Variants in MRPL38 observed in about 807,000 individuals in gnomAD.
MRPL38 encodes the protein large ribosomal subunit protein mL38.
Under a neutral mutation model 52.1 loss-of-function variants are expected in MRPL38, and 51 were observed. That is an observed-to-expected ratio of 0.98 (90% CI 0.78 to 1.24). The LOEUF is 1.24. Ranked by LOEUF, MRPL38 falls within the 50% of genes most tolerant of loss-of-function variation. The probability of loss-of-function intolerance (pLI) is 0.00; values close to 1 mark genes in which losing one functional copy is unlikely to be tolerated. For synonymous variants in MRPL38, 245 were observed against 212.7 expected (o/e 1.15, Z -1.32); for missense variants, 527 against 518.6 (o/e 1.02, Z -0.16).
chr17:75,898,899 T>C lies in MRPL38; in HGVS notation c.1094A>G (p.Tyr365Cys). The C allele has an allele frequency of 6.2e-7, 1 of 1,611,500 alleles. No individual in the cohort carries two copies. The highest frequency in any genetic ancestry group is 8.5e-7 in the Non-Finnish European group (1 of 1,179,354). The change falls in exon 9 of 9, where the codon TAC (tyrosine) becomes TGC (cysteine). Residue 365 changes from tyrosine (Y) to cysteine (C), a missense_variant. Physicochemically the swap from Tyr to Cys is radical, Grantham distance 194. Coordinates refer to ENST00000309352, the MANE Select transcript of MRPL38 (RefSeq NM_032478.4). ...ATGACTGTCCCTGTACCGGTCCAGG[T>C]AGCGCAGGGGCTGCCGGTGGGGGAA... ...KRFPHRQPLR[Y>C]LDRYRDSHEP...
chr17:75,899,199 C>A lies in MRPL38; in HGVS notation c.965G>T (p.Arg322Leu), dbSNP rs760808131. The part of the protein sequence containing the change: ...TPAGLSFFQC[R>L]WDDSVTYIFH... ...GATGTAGGTGACGGAGTCATCCCAGCGGCACTGGAAGAAGGACAAGCCGGC... is the reference window on the plus strand; with the variant it reads ...GATGTAGGTGACGGAGTCATCCCAGAGGCACTGGAAGAAGGACAAGCCGGC... The change falls in exon 8 of 9, where the codon CGC (arginine) becomes CTC (leucine). Residue 322 changes from arginine (R) to leucine (L), a missense_variant. By Grantham distance (102) the Arg-to-Leu change is moderately radical. Transcript: ENST00000309352. 5 of 1,606,686 alleles carry A rather than the reference C, an allele frequency of 3.1e-6. 1 individual carries two copies. The South Asian group carries it at 5.6e-5, about 18-fold the overall frequency.
At chr17:75,899,732 C>CT (rs2065395655) in intron 6 of MRPL38, 58 bp from the exon 7 acceptor site, 5 of 1,426,086 alleles carry the variant, frequency 3.5e-6, no homozygotes, top group Non-Finnish European at 4.7e-6. Flanking sequence ...GGAGTGTCCC[C>CT]TCAGCTCCAT....
Position 75,901,032 on chromosome 17 carries a change from A to C in MRPL38, c.665-5T>G, listed in dbSNP as rs1240906810. On this transcript the variant is annotated splice_polypyrimidine_tract_variant and splice_region_variant and intron_variant, in intron 5 of 8. Transcript: ENST00000309352. The surrounding 1 kb of genome is among the most constrained non-coding windows in gnomAD (Gnocchi z 5.7). ...CTGGCTCCAGCAGGTGCCCATCTGC[A>C]CAAAAACACACCTGCTGACCACGGC... 6.2e-7 allele frequency: 1 copy of C among 1,611,804 alleles called. No individual in the cohort carries two copies. Among genetic ancestry groups the C allele is most frequent in the Non-Finnish European group, 8.5e-7 (1 of 1,179,198 alleles).
chr17:75,904,696 G>T lies in MRPL38; in HGVS notation c.91C>A (p.Pro31Thr). 1.3e-6 allele frequency: 2 copies of T among 1,593,736 alleles called. No individual in the cohort carries two copies. The highest frequency in any genetic ancestry group is 1.7e-6 in the Non-Finnish European group (2 of 1,177,158). Reference protein sequence around the residue: ...TSAVLGRRTPPLGPMPNSDID... With the variant: ...TSAVLGRRTPTLGPMPNSDID... ...TCACTGTTGGGCATCGGCCCCAGCGGGGGTGTCCGGCGGCCCAGGACGGCT... is the reference window on the plus strand; with the variant it reads ...TCACTGTTGGGCATCGGCCCCAGCGTGGGTGTCCGGCGGCCCAGGACGGCT... The change falls in exon 2 of 9, where the codon CCG becomes ACG. Residue 31 changes from proline to threonine, a missense_variant. Pro to Thr is a conservative substitution (Grantham distance 38). Transcript: ENST00000309352.
chr17:75,902,341 G>T lies in MRPL38; in HGVS notation c.248-187C>A, dbSNP rs1472661026. ...CTGGTATGAACTCTTGGGCTCAAGT[G>T]ATCTGCCTGCCTCAGCCTCCCACAG... is the stretch of plus-strand genomic sequence containing the variant. On this transcript the variant is annotated intron_variant, in intron 2 of 8. Coordinates refer to ENST00000309352, the MANE Select transcript of MRPL38 (RefSeq NM_032478.4). The T allele has an allele frequency of 6.3e-6, 4 of 637,980 alleles. No individual in the cohort carries two copies. The South Asian group carries it at 8.0e-5, about 13-fold the overall frequency. The allele number at this position is 637,980 out of a possible 1,614,324, so 39.5% of individuals were successfully genotyped here.
intron 2 of MRPL38, among the ~76,000 whole-genome samples, chr17:75,903,175 G>A (rs2065412665): frequency 1.3e-5 from 2 of 152,236 alleles, no homozygotes; most frequent in African/African-American, 4.8e-5. Context: ...TTGGGAGGCT[G>A]AGGCAGGGGG....
intron 2 of MRPL38, among the ~76,000 whole-genome samples, chr17:75,903,491 C>A (rs1011598261): frequency 2.0e-5 from 3 of 152,138 alleles, no homozygotes; most frequent in African/African-American, 7.2e-5. Context: ...CAATGAATTG[C>A]CTCTTTTAAT....
At chr17:75,899,053 A>G in intron 8 of MRPL38, 67 bp from the exon 9 acceptor site, 5 of 1,533,268 alleles carry the variant, frequency 3.3e-6, no homozygotes, top group Non-Finnish European at 4.4e-6. Context: ...AGGCCTGCCC[A>G]CCAGGGACCT....
At position 75,904,578 on chromosome 17, in the gene MRPL38, C is replaced by CAGT; in HGVS notation, c.206_208dup (p.His69_Trp70insTyr). The CAGT allele has an allele frequency of 6.3e-7, 1 of 1,580,510 alleles. No homozygotes were observed. The highest frequency in any genetic ancestry group is 8.5e-7 in the Non-Finnish European group (1 of 1,172,478). The stretch of plus-strand genomic sequence containing the variant: ...GAAATACTCTCGGTAGGTCCGCCAC[C>CAGT]AGTGCGGGGCCTGCGCCTCCTGCTC... On this transcript the variant is annotated inframe_insertion, in exon 2 of 9. Transcript: ENST00000309352.
chr17:75,898,986 T>A lies in MRPL38; in HGVS notation c.1007A>T (p.Asp336Val). 1 of 1,594,478 alleles carries A rather than the reference T, an allele frequency of 6.3e-7. No individual in the cohort carries two copies. The highest frequency in any genetic ancestry group is 8.5e-7 in the Non-Finnish European group (1 of 1,171,480). ...SVTYIFHQLL[D>V]MREPVFEFVR... ...GAACTCAAACACCGGCTCCCGCATG[T>A]CTGCAAGAAGAGTGAGGGGTACGGG... Residue 336 changes from aspartate (D) to valine (V), a missense_variant and splice_region_variant, in exon 9 of 9, where the codon GAC becomes GTC. Asp to Val is a radical substitution (Grantham distance 152). Coordinates refer to ENST00000309352, the MANE Select transcript of MRPL38 (RefSeq NM_032478.4).
Position 75,899,694 on chromosome 17 carries a change from G to A in MRPL38, c.711-20C>T, listed in dbSNP as rs769278289. 1.0e-5 allele frequency: 16 copies of A among 1,540,284 alleles called. No homozygotes were observed. Among genetic ancestry groups the A allele is most frequent in the Admixed American group, 5.7e-5 (3 of 52,640 alleles). On this transcript the variant is annotated intron_variant, in intron 6 of 8. Transcript: ENST00000309352. ...TTGGTTCTGGGAGGAGGAAAGTCCC[G>A]GTTAATTACCACTCCAGGGAGGCAG... is the stretch of plus-strand genomic sequence containing the variant.
chr17:75,902,292 C>T, intron 2 of MRPL38, 138 bp from the exon 3 acceptor site: 2 of 1,006,984 alleles, frequency 2.0e-6, no homozygotes, highest in Non-Finnish European at 1.4e-6. Context: ...TTTGTAGAGA[C>T]AGGGTTTTGC....
intron 6 of MRPL38, 103 bp downstream of exon 6, chr17:75,900,879 G>T: frequency 4.1e-6 from 6 of 1,470,820 alleles, no homozygotes; most frequent in South Asian, 1.4e-5. Flanking sequence ...TGAATTCAAG[G>T]TCCCATGGGT....
At chr17:75,899,839 C>T in intron 6 of MRPL38, 165 bp from the exon 7 acceptor site, 1 of 490,068 alleles carries the variant, frequency 2.0e-6, no homozygotes, top group Non-Finnish European at 3.3e-6. Context: ...AACGCCGGGA[C>T]ATGCTGCAAA....
chr17:75,899,271 A>G lies in MRPL38; in HGVS notation c.893T>C (p.Phe298Ser). 6.2e-7 allele frequency: 1 copy of G among 1,612,712 alleles called. No individual in the cohort carries two copies. Among genetic ancestry groups the G allele is most frequent in the Non-Finnish European group, 8.5e-7 (1 of 1,179,550 alleles). Residue 298 changes from phenylalanine (F) to serine (S), a missense_variant, in exon 8 of 9, where the codon TTC (phenylalanine) becomes TCC (serine). Coordinates refer to ENST00000309352, the MANE Select transcript of MRPL38 (RefSeq NM_032478.4). ...SPCYQLAQRTFRTFDFYKKHQ... is the reference protein window; with the variant it reads ...SPCYQLAQRTSRTFDFYKKHQ... The stretch of plus-strand genomic sequence containing the variant: ...TTTCTTGTAGAAATCAAAAGTGCGG[A>G]AGGTCCGCTGGGCCAGCTGATAGCT...
chr17:75,903,828 C>A (rs964829126), intron 2 of MRPL38, among the ~76,000 whole-genome samples: 2 of 151,768 alleles, frequency 1.3e-5, no homozygotes, highest in African/African-American at 2.4e-5. Context: ...TGGGTTCAAG[C>A]GATTCTCCTG....
chr17:75,904,559 C>T lies in MRPL38; in HGVS notation c.228G>A (p.Glu76=). The stretch of plus-strand genomic sequence containing the variant: ...CCGCACCTGTCTTCTCCCCGAAATA[C>T]TCTCGGTAGGTCCGCCACCAGTGCG... The part of the protein sequence containing the change: ...QAPHWWRTYR[E]YFGEKTDPKE... Residue 76 remains glutamate (E), a synonymous_variant, in exon 2 of 9, where the codon GAG becomes GAA. Coordinates refer to ENST00000309352, the MANE Select transcript of MRPL38 (RefSeq NM_032478.4). The T allele has an allele frequency of 6.4e-7, 1 of 1,565,792 alleles. No individual in the cohort carries two copies. Among genetic ancestry groups the T allele is most frequent in the Non-Finnish European group, 8.6e-7 (1 of 1,166,304 alleles).
intron 2 of MRPL38, among the ~76,000 whole-genome samples, chr17:75,902,485 G>A (rs1220754888): frequency 6.6e-6 from 1 of 152,168 alleles, no homozygotes; most frequent in Admixed American, 6.5e-5. Context: ...GGTCTCAAGT[G>A]ATCCTCCTGC....
At chr17:75,904,491 C>A in intron 2 of MRPL38, 49 bp downstream of exon 2, 10 of 1,468,876 alleles carry the variant, frequency 6.8e-6, no homozygotes, top group Non-Finnish European at 9.0e-6. Context: ...CCGGCGGGTC[C>A]CGAGTTCCCC....
Sources: gnomAD v4.1 joint callset for allele counts (sites outside exome capture counted in the v4.1 genomes callset) on GRCh38, gnomAD v4.1.1 for gene constraint, Gnocchi (gnomAD v3.1) non-coding constraint, MANE v1.5 for transcripts, NCBI Gene and HGNC (gene_info 2026-07-23, HGNC 2026-07-21) for gene names.